The following NRG2 variants were observed in gnomAD, a reference collection of about 807,000 sequenced individuals.
NRG2 encodes pro-neuregulin-2, membrane-bound isoform.
A neutral mutation model predicts 73.9 loss-of-function variants in NRG2; 27 were observed. The observed-to-expected ratio is 0.37, with a 90% CI of 0.27 to 0.50. NRG2 has a LOEUF of 0.50. Ranked by LOEUF, NRG2 falls within the 20% of genes least tolerant of loss-of-function variation. The probability of loss-of-function intolerance (pLI) is 0.96; values close to 1 mark genes in which losing one functional copy is unlikely to be tolerated. For synonymous variants in NRG2, 532 were observed against 541.0 expected (o/e 0.98, Z 0.23); for missense variants, 1,126 against 1,210.1 (o/e 0.93, Z 1.03).
chr5:139,967,938 A>G (rs1755663293), intron 1 of NRG2, among the ~76,000 whole-genome samples: 1 of 151,890 alleles, frequency 6.6e-6, no homozygotes, highest in South Asian at 2.1e-4. Flanking sequence ...CAGCCTGGGC[A>G]ACAGAGCTAG....
At chr5:139,938,245 T>G (rs1752994858) in intron 1 of NRG2, among the ~76,000 whole-genome samples, 1 of 152,224 alleles carries the variant, frequency 6.6e-6, no homozygotes, top group African/African-American at 2.4e-5. Flanking sequence ...GCAGGCTTTT[T>G]AGTAGAAATT....
At chr5:139,955,112 C>T (rs982757211) in intron 1 of NRG2, among the ~76,000 whole-genome samples, 109 of 152,184 alleles carry the variant, frequency 7.2e-4, no homozygotes, top group African/African-American at 2.5e-3. Context: ...GGGTTATCCC[C>T]GGCCCTTGAA....
At chr5:139,997,096 C>T (rs946650431) in intron 1 of NRG2, among the ~76,000 whole-genome samples, 15 of 152,104 alleles carry the variant, frequency 9.9e-5, no homozygotes, top group Admixed American at 5.9e-4. Context: ...GAGCCAAGAT[C>T]GCACCACTGC....
chr5:140,023,150 C>A (rs115604275), intron 1 of NRG2, among the ~76,000 whole-genome samples: 141 of 152,338 alleles, frequency 9.3e-4, no homozygotes, highest in African/African-American at 3.2e-3. Context: ...CATATCCCTG[C>A]TCCAATACCT....
intron 1 of NRG2, among the ~76,000 whole-genome samples, chr5:139,909,530 G>A (rs1425851194): frequency 6.6e-6 from 1 of 152,206 alleles, no homozygotes; most frequent in African/African-American, 2.4e-5. Flanking sequence ...CCCAGTTGAA[G>A]ACATCCCTGA....
intron 1 of NRG2, among the ~76,000 whole-genome samples, chr5:140,022,036 AG>A (rs1760272660): frequency 6.6e-6 from 1 of 152,168 alleles, no homozygotes; most frequent in African/African-American, 2.4e-5. Context: ...CTCTCAAGGC[AG>A]TCCCAGCCTT....
At position 140,042,946 on chromosome 5, in the gene NRG2, CGCTGCT is replaced by C. The variant is rs756281194; in HGVS notation, c.118_123del (p.Ser40_Ser41del). 6.1e-5 allele frequency: 93 copies of C among 1,532,666 alleles called. No homozygotes were observed. In the East Asian group the frequency reaches 1.7e-3, roughly 28 times the overall value. 94.9% of individuals were successfully genotyped at this position (1,532,666 alleles called of 1,614,324 possible). ...CTGCTCCTGCTGCTGCTGCCGCTCT[CGCTGCT>C]GCTGCTGCTGCTGCTGCTGCTCCTC... On this transcript the variant is annotated inframe_deletion, in exon 1 of 10. Transcript: ENST00000361474.
At position 139,853,271 on chromosome 5, in the gene NRG2, A is replaced by G; in HGVS notation, c.1293-244T>C. Among the ~76,000 whole-genome samples, 1 of 152,068 alleles carries G rather than the reference A, an allele frequency of 6.6e-6. No homozygotes were observed. Among genetic ancestry groups the G allele is most frequent in the East Asian group, 1.9e-4 (1 of 5,188 alleles). ...AACTTCACTGCTTTCTAGCTATGCA[A>G]CCCCGGGCAAGTTACTTAAGCTCTT... is the stretch of plus-strand genomic sequence containing the variant. On this transcript the variant is annotated intron_variant, in intron 6 of 9. Coordinates refer to ENST00000361474, the MANE Select transcript of NRG2 (RefSeq NM_004883.3). The surrounding 1 kb of genome is among the most constrained non-coding windows in gnomAD (Gnocchi z 4.1).
At chr5:140,023,844 T>C (rs1760439967) in intron 1 of NRG2, among the ~76,000 whole-genome samples, 1 of 152,140 alleles carries the variant, frequency 6.6e-6, no homozygotes, top group Non-Finnish European at 1.5e-5. Context: ...ACAATCTCTG[T>C]AATCTAGGTT....
At chr5:139,969,641 A>G (rs1172256107) in intron 1 of NRG2, among the ~76,000 whole-genome samples, 1 of 152,202 alleles carries the variant, frequency 6.6e-6, no homozygotes. Flanking sequence ...TGTTTATTGA[A>G]TCAACTCTAT....
chr5:140,009,466 T>G (rs1178166138), intron 1 of NRG2, among the ~76,000 whole-genome samples: 2 of 152,204 alleles, frequency 1.3e-5, no homozygotes, highest in East Asian at 3.8e-4. Context: ...TAAACATCCT[T>G]CTGCAGGTTT....
chr5:139,909,399 C>T (rs1561673155), intron 1 of NRG2, among the ~76,000 whole-genome samples: 1 of 152,176 alleles, frequency 6.6e-6, no homozygotes, highest in Non-Finnish European at 1.5e-5. Context: ...GTCTTGGGAA[C>T]CATGCTGAAG....
At position 139,868,974 on chromosome 5, in the gene NRG2, C is replaced by G. The variant is rs1399117104; in HGVS notation, c.1112+2747G>C. Among the ~76,000 whole-genome samples, 1 of 151,852 alleles carries G rather than the reference C, an allele frequency of 6.6e-6. No homozygotes were observed. Among genetic ancestry groups the G allele is most frequent in the Non-Finnish European group, 1.5e-5 (1 of 67,950 alleles). Reference sequence around the variant, plus strand: ...TGTCATCATCCCCTGAACCAGTCCCCAAGAGTCACGCACCAACCGTGCTCT... The same window carrying G: ...TGTCATCATCCCCTGAACCAGTCCCGAAGAGTCACGCACCAACCGTGCTCT... On this transcript the variant is annotated intron_variant, in intron 4 of 9. Coordinates refer to ENST00000361474, the MANE Select transcript of NRG2 (RefSeq NM_004883.3). This position sits in a 1 kb window ranked among gnomAD's most constrained non-coding sequence, Gnocchi z 4.2.
At chr5:139,934,684 A>G (rs1253381133) in intron 1 of NRG2, among the ~76,000 whole-genome samples, 1 of 152,262 alleles carries the variant, frequency 6.6e-6, no homozygotes, top group Non-Finnish European at 1.5e-5. Flanking sequence ...GAGATTGTCA[A>G]ATTGTATAAA....
At chr5:139,957,436 C>T (rs1418599402) in intron 1 of NRG2, among the ~76,000 whole-genome samples, 1 of 152,168 alleles carries the variant, frequency 6.6e-6, no homozygotes, top group South Asian at 2.1e-4. Flanking sequence ...GATGTAGCCC[C>T]ACCCACTTGC....
At chr5:140,013,832 T>G (rs645850) in intron 1 of NRG2, among the ~76,000 whole-genome samples, 5 of 152,020 alleles carry the variant, frequency 3.3e-5, no homozygotes. Flanking sequence ...AACCTCTCCC[T>G]TCTAATTGGT....
intron 2 of NRG2, among the ~76,000 whole-genome samples, chr5:139,886,987 T>C (rs561029241): frequency 2.2e-4 from 34 of 152,290 alleles, no homozygotes; most frequent in Admixed American, 2.2e-3. Flanking sequence ...GATTGCCAAA[T>C]GTTGGGGCTT....
At chr5:139,917,486 T>C (rs1751344450) in intron 1 of NRG2, among the ~76,000 whole-genome samples, 2 of 152,118 alleles carry the variant, frequency 1.3e-5, no homozygotes, top group African/African-American at 2.4e-5. Flanking sequence ...TCCTGGGCTC[T>C]AGTAATCTGC....
intron 2 of NRG2, among the ~76,000 whole-genome samples, chr5:139,882,120 G>A (rs1763560269): frequency 6.6e-6 from 1 of 152,176 alleles, no homozygotes; most frequent in South Asian, 2.1e-4. Flanking sequence ...CAGCCTATGT[G>A]TAGTGGGCTG....
Sources: gnomAD v4.1 joint callset for allele counts (sites outside exome capture counted in the v4.1 genomes callset) on GRCh38, gnomAD v4.1.1 for gene constraint, Gnocchi (gnomAD v3.1) non-coding constraint, MANE v1.5 for transcripts, NCBI Gene and HGNC (gene_info 2026-07-23, HGNC 2026-07-21) for gene names.